The following WDR17 variants were observed in gnomAD, a reference collection of about 807,000 sequenced individuals.
The protein encoded by WDR17 is WD repeat-containing protein 17.
Under a neutral mutation model 161.7 loss-of-function variants are expected in WDR17, and 143 were observed. The observed-to-expected ratio is 0.88, with a 90% confidence interval of 0.77 to 1.02. The LOEUF is 1.02. WDR17 is among the 50% of genes least tolerant of loss of function. WDR17 has a pLI of 0.00. For synonymous variants in WDR17, 517 were observed against 515.6 expected, an observed-to-expected ratio of 1.00 and a Z score of -0.04; for missense variants, 1,469 against 1,520.9, an observed-to-expected ratio of 0.97 and a Z score of 0.57.
chr4:176,085,564 T>C (rs1333411672), intron 1 of WDR17, among the ~76,000 whole-genome samples: 2 of 152,140 alleles, frequency 1.3e-5, no homozygotes, highest in African/African-American at 2.4e-5. Context: ...TGTCCATTCA[T>C]CCAAGTTATC....
rs1294708548 is a variant in WDR17, at chr4:176,180,393, TTTATG to T, written c.*818_*822del. On this transcript the variant is annotated 3_prime_UTR_variant, in exon 29 of 29. Coordinates refer to ENST00000508596, the MANE Select transcript of WDR17 (RefSeq NM_181265.4). ...AATTTACACAGTATACTCTAGTCAATTTATGTTAACTTTATTTAAAACACAATTTA... is the reference window on the plus strand; with the variant it reads ...AATTTACACAGTATACTCTAGTCAATTTAACTTTATTTAAAACACAATTTA... The T allele has an allele frequency of 1.3e-5, 2 of 152,220 alleles. No homozygotes were observed. Among genetic ancestry groups the T allele is most frequent in the African/African-American group, 4.8e-5 (2 of 41,464 alleles). 9.4% of individuals were successfully genotyped at this position (152,220 alleles called of 1,614,324 possible). A position where few individuals can be genotyped will look rare whatever the true frequency, so the allele number is the denominator to read the frequency against.
rs1308860299 is a variant in WDR17 at position 176,125,294 on chromosome 4, A to G, written c.729A>G (p.Ala243=). 1 of 1,614,172 alleles carries G rather than the reference A, an allele frequency of 6.2e-7. No homozygotes were observed. The highest frequency in any genetic ancestry group is 2.2e-5 in the East Asian group (1 of 44,870). The stretch of plus-strand genomic sequence containing the variant: ...TAACAACATTTAATCTTCCCAGTGC[A>G]GCAGCTTCTGTACAGTGCTTAGCCT... ...SCITTFNLPS[A]AASVQCLAWV... The change falls in exon 5 of 29, where the codon GCA becomes GCG. Residue 243 remains alanine (A), a synonymous_variant. Transcript: ENST00000508596.
intron 1 of WDR17, among the ~76,000 whole-genome samples, chr4:176,105,806 C>T (rs1465751686): frequency 6.6e-6 from 1 of 151,280 alleles, no homozygotes; most frequent in Non-Finnish European, 1.5e-5. Flanking sequence ...ACTTAAGGAA[C>T]TAACAAAAGA....
In WDR17 at chr4:176,150,301, A is replaced by T. The variant is rs189485489; in HGVS notation, c.2178+128A>T. ...GGGTAACTCTTACCATAATCTGTGC[A>T]CTATAAGAAAGCAAATGTAAAACTA... is the stretch of plus-strand genomic sequence containing the variant. On this transcript the variant is annotated intron_variant, in intron 15 of 28. Coordinates refer to ENST00000508596, the MANE Select transcript of WDR17 (RefSeq NM_181265.4). 4.1e-6 allele frequency: 6 copies of T among 1,460,302 alleles called. No individual in the cohort carries two copies. The East Asian group carries it at 1.4e-4, about 33-fold the overall frequency. The allele number at this position is 1,460,302 out of a possible 1,614,324, so 90.5% of individuals were successfully genotyped here. A position where few individuals can be genotyped will look rare whatever the true frequency, so the allele number is the denominator to read the frequency against.
chr4:176,144,973 C>T (rs1004824473), intron 11 of WDR17, among the ~76,000 whole-genome samples: 1 of 152,070 alleles, frequency 6.6e-6, no homozygotes, highest in African/African-American at 2.4e-5. Context: ...ATCAGTGGAT[C>T]TTGAGAAGAT....
At position 176,149,931 on chromosome 4, in the gene WDR17, T is replaced by A; in HGVS notation, c.2022T>A (p.Ser674=). 3 of 1,613,120 alleles carry A rather than the reference T, an allele frequency of 1.9e-6. No individual in the cohort carries two copies. Among genetic ancestry groups the A allele is most frequent in the Non-Finnish European group, 2.5e-6 (3 of 1,179,892 alleles). ...AAATAAATATTCTGGCAGACAGATC[T>A]TGGGAAGAAATTATTGGGAACACTG... ...PVQINILADR[S]WEEIIGNTDY... Residue 674 remains serine (S), a synonymous_variant, in exon 14 of 29, where the codon TCT becomes TCA. Transcript: ENST00000508596.
At chr4:176,119,185 C>A (rs927941780) in intron 3 of WDR17, among the ~76,000 whole-genome samples, 4 of 151,902 alleles carry the variant, frequency 2.6e-5, no homozygotes, top group Admixed American at 1.3e-4. Context: ...CTTTTATATT[C>A]CATCTTATTG....
rs1232884153 is a variant in WDR17 at position 176,135,094 on chromosome 4, T to C, written c.1099-14T>C. 5.0e-6 allele frequency: 8 copies of C among 1,608,880 alleles called. No homozygotes were observed. The highest frequency in any genetic ancestry group is 5.9e-6 in the Non-Finnish European group (7 of 1,177,204). On this transcript the variant is annotated splice_polypyrimidine_tract_variant and intron_variant, in intron 7 of 28. Coordinates refer to ENST00000508596, the MANE Select transcript of WDR17 (RefSeq NM_181265.4). ...TTCCTCAATAATTATGACTTTTTTATGCCATATTCCTAGGGACATGTGGAA... is the reference window on the plus strand; with the variant it reads ...TTCCTCAATAATTATGACTTTTTTACGCCATATTCCTAGGGACATGTGGAA...
rs1167870625 is a variant in WDR17, at chr4:176,137,626, T to C, written c.1359+15T>C. On this transcript the variant is annotated intron_variant, in intron 9 of 28. Coordinates refer to ENST00000508596, the MANE Select transcript of WDR17 (RefSeq NM_181265.4). The stretch of plus-strand genomic sequence containing the variant: ...GATTTAATGAGGTAAGATTTATTTA[T>C]TGCTACTGAATAATATAATGTTTTA... 1 of 1,480,434 alleles carries C rather than the reference T, an allele frequency of 6.8e-7. No homozygotes were observed. The highest frequency in any genetic ancestry group is 9.3e-7 in the Non-Finnish European group (1 of 1,070,100). The allele number at this position is 1,480,434 out of a possible 1,614,324, so 91.7% of individuals were successfully genotyped here. A position where few individuals can be genotyped will look rare whatever the true frequency, so the allele number is the denominator to read the frequency against.
At chr4:176,151,559 A>T (rs906713224) in intron 16 of WDR17, among the ~76,000 whole-genome samples, 5 of 152,180 alleles carry the variant, frequency 3.3e-5, no homozygotes, top group African/African-American at 9.7e-5. Flanking sequence ...CAATTTTTTT[A>T]AATTTTTAAT....
In WDR17 at chr4:176,150,547, A is replaced by G. The variant is rs1030435733; in HGVS notation, c.2258A>G (p.Tyr753Cys). Residue 753 changes from tyrosine to cysteine, a missense_variant, in exon 16 of 29, where the codon TAC becomes TGC. By Grantham distance (194) the Tyr-to-Cys change is radical (BLOSUM62 -2). Coordinates refer to ENST00000508596, the MANE Select transcript of WDR17 (RefSeq NM_181265.4). ...GQDDSLLPQN[Y>C]CKGIMHLKHL... ...GATGATAGCTTACTTCCTCAGAACT[A>G]CTGCAAAGGAATAATGCACTTGAAA... is the stretch of plus-strand genomic sequence containing the variant. 6.2e-7 allele frequency: 1 copy of G among 1,611,644 alleles called. No homozygotes were observed. Among genetic ancestry groups the G allele is most frequent in the Non-Finnish European group, 8.5e-7 (1 of 1,179,088 alleles).
intron 11 of WDR17, among the ~76,000 whole-genome samples, chr4:176,144,906 G>T (rs1000681512): frequency 1.3e-5 from 2 of 151,844 alleles, no homozygotes; most frequent in Non-Finnish European, 2.9e-5. Context: ...ACTCATATAT[G>T]CATGTAAATA....
chr4:176,119,889 G>A lies in WDR17; in HGVS notation c.330G>A (p.Trp110Ter). 1 of 1,614,046 alleles carries A rather than the reference G, an allele frequency of 6.2e-7. No individual in the cohort carries two copies. The highest frequency in any genetic ancestry group is 8.5e-7 in the Non-Finnish European group (1 of 1,179,980). The change falls in exon 4 of 29, where the codon TGG (tryptophan) becomes TGA (stop). Residue 110 changes from tryptophan (W) to a stop codon, truncating the protein, a stop_gained. Coordinates refer to ENST00000508596, the MANE Select transcript of WDR17 (RefSeq NM_181265.4). LOFTEE classifies it high-confidence loss of function. Reference protein sequence around the residue: ...STKGIPASLSWCWNAEDVVAF... With the variant: ...STKGIPASLS ...CAGGGATCCCTGCTTCTCTTAGTTG[G>A]TGCTGGAATGCAGAGGATGTGGTGG... is the stretch of plus-strand genomic sequence containing the variant.
intron 1 of WDR17, among the ~76,000 whole-genome samples, chr4:176,110,117 A>G (rs903189705): frequency 1.3e-5 from 2 of 151,882 alleles, no homozygotes; most frequent in African/African-American, 2.4e-5. Context: ...TCATATTAGG[A>G]GCTCCTCTCT....
chr4:176,096,611 G>A (rs757024244), intron 1 of WDR17: 11 of 1,530,972 alleles, frequency 7.2e-6, no homozygotes, highest in Non-Finnish European at 9.7e-6. Flanking sequence ...TTGTAATTAC[G>A]ATTTCCTGCG....
At chr4:176,154,570 C>A (rs557127255) in intron 17 of WDR17, among the ~76,000 whole-genome samples, 2 of 152,188 alleles carry the variant, frequency 1.3e-5, no homozygotes, top group South Asian at 4.1e-4. Context: ...TTAAGCTTAT[C>A]TATTAGACAT....
At chr4:176,076,390 A>T in intron 1 of WDR17, among the ~76,000 whole-genome samples, 1 of 144,254 alleles carries the variant, frequency 6.9e-6, no homozygotes, top group East Asian at 2.0e-4. Context: ...TAACCCAGTA[A>T]ATGAGTTGTC....
chr4:176,094,107 A>T (rs2126636912), intron 1 of WDR17, among the ~76,000 whole-genome samples: 1 of 152,308 alleles, frequency 6.6e-6, no homozygotes, highest in South Asian at 2.1e-4. Flanking sequence ...ACTCTTAAAA[A>T]AACACCAAAA....
intron 1 of WDR17, among the ~76,000 whole-genome samples, chr4:176,083,481 G>A (rs950834979): frequency 2.0e-5 from 3 of 151,836 alleles, no homozygotes; most frequent in African/African-American, 7.3e-5. Flanking sequence ...TTTTATATCT[G>A]GCTTCTTTCA....
Sources: gnomAD v4.1 joint callset for allele counts (sites outside exome capture counted in the v4.1 genomes callset) on GRCh38, gnomAD v4.1.1 for gene constraint, MANE v1.5 for transcripts, NCBI Gene and HGNC (gene_info 2026-07-23, HGNC 2026-07-21) for gene names.